Variants in TMEM132D observed in about 807,000 individuals in gnomAD.
The protein encoded by TMEM132D is mature OL transmembrane protein.
In TMEM132D, 21 loss-of-function variants were observed where a neutral mutation model predicts 62.3. That is an observed-to-expected ratio of 0.34 (90% CI 0.24 to 0.49). The LOEUF (loss-of-function observed/expected upper bound fraction) is 0.49. Ranked by LOEUF, TMEM132D falls within the 20% of genes least tolerant of loss-of-function variation. The pLI is 0.99. For synonymous variants in TMEM132D, 621 were observed against 575.6 expected, an observed-to-expected ratio of 1.08 and a Z score of -1.13; for missense variants, 1,346 against 1,402.8, an observed-to-expected ratio of 0.96 and a Z score of 0.65.
chr12:129,747,489 C>G (rs1326303907), intron 1 of TMEM132D, among the ~76,000 whole-genome samples: 32 of 149,400 alleles, frequency 2.1e-4, no homozygotes, highest in Admixed American at 2.1e-3. Context: ...CTCAGATACC[C>G]TCTCACACAC....
chr12:129,270,182 T>A (rs1215348429), intron 4 of TMEM132D, among the ~76,000 whole-genome samples: 1 of 151,542 alleles, frequency 6.6e-6, no homozygotes, highest in East Asian at 2.0e-4. Context: ...TTCTCATTTT[T>A]CTTCTAGCAA....
At chr12:129,784,647 T>C (rs1247112790) in intron 1 of TMEM132D, among the ~76,000 whole-genome samples, 2 of 152,172 alleles carry the variant, frequency 1.3e-5, no homozygotes, top group Non-Finnish European at 2.9e-5. Flanking sequence ...GAAAGCACAT[T>C]ATTTGAAGTC....
intron 4 of TMEM132D, among the ~76,000 whole-genome samples, chr12:129,314,178 GA>G (rs1460030093): frequency 6.6e-6 from 1 of 152,060 alleles, no homozygotes; most frequent in African/African-American, 2.4e-5. Flanking sequence ...TCTTAGTCAT[GA>G]AATATTTGCC....
At position 129,479,102 on chromosome 12, in the gene TMEM132D, G is replaced by A. The variant is rs116727433; in HGVS notation, c.1115+51957C>T. 9.8e-3 allele frequency among the ~76,000 whole-genome samples: 1,493 copies of A among 152,274 alleles called. 31 individuals carry two copies. Among genetic ancestry groups the A allele is most frequent in the African/African-American group, 0.034 (1,423 of 41,538 alleles). On this transcript the variant is annotated intron_variant, in intron 3 of 8. Coordinates refer to ENST00000422113, the MANE Select transcript of TMEM132D (RefSeq NM_133448.3). Reference sequence around the variant, plus strand: ...ATCTGCAGTACCCAGTGTTCAGACAGAGTTCTTTGAGGACAAGAGTGTTCT... The same window carrying A: ...ATCTGCAGTACCCAGTGTTCAGACAAAGTTCTTTGAGGACAAGAGTGTTCT...
chr12:129,626,090 GAA>G (rs112050759), intron 2 of TMEM132D, among the ~76,000 whole-genome samples: 2 of 141,132 alleles, frequency 1.4e-5, no homozygotes, highest in Admixed American at 7.1e-5. Context: ...GTTGAGCTGG[GAA>G]AAAAAAAAAA....
chr12:129,356,698 A>AAATAAATAAATT (rs1275468689), intron 3 of TMEM132D, among the ~76,000 whole-genome samples: 2 of 140,596 alleles, frequency 1.4e-5, no homozygotes, highest in African/African-American at 5.3e-5. Context: ...ATAAATAAAT[A>AAATAAATAAATT]AAATAAAAAT....
intron 5 of TMEM132D, among the ~76,000 whole-genome samples, chr12:129,173,677 G>A (rs772838671): frequency 2.6e-5 from 4 of 152,080 alleles, no homozygotes; most frequent in East Asian, 1.9e-4. Flanking sequence ...TTTTTATCTC[G>A]ATAATACCAT....
chr12:129,471,496 T>A (rs6486473), intron 3 of TMEM132D, among the ~76,000 whole-genome samples: 1 of 152,164 alleles, frequency 6.6e-6, no homozygotes, highest in African/African-American at 2.4e-5. Flanking sequence ...TGTTCCTCCA[T>A]CCTTCTCCCT....
intron 4 of TMEM132D, among the ~76,000 whole-genome samples, chr12:129,282,266 T>G (rs1881177117): frequency 6.6e-6 from 1 of 152,150 alleles, no homozygotes; most frequent in Non-Finnish European, 1.5e-5. Flanking sequence ...ATTGGGAATA[T>G]GAGACCAGAG....
chr12:129,796,400 T>C (rs1013425044), intron 1 of TMEM132D, among the ~76,000 whole-genome samples: 4 of 152,208 alleles, frequency 2.6e-5, no homozygotes, highest in South Asian at 2.1e-4. Flanking sequence ...GAAATACTTT[T>C]CTAATCTAAT....
chr12:129,241,412 C>A (rs2135584485), intron 4 of TMEM132D, among the ~76,000 whole-genome samples: 1 of 152,268 alleles, frequency 6.6e-6, no homozygotes, highest in Admixed American at 6.5e-5. Flanking sequence ...CACACCGGCA[C>A]AACACTCTTC....
At chr12:129,647,600 C>T (rs1056321288) in intron 2 of TMEM132D, among the ~76,000 whole-genome samples, 5 of 152,066 alleles carry the variant, frequency 3.3e-5, no homozygotes, top group African/African-American at 7.2e-5. Flanking sequence ...TCTTTTTGTG[C>T]GATATTACCT....
chr12:129,824,381 T>C (rs1395490868), intron 1 of TMEM132D, among the ~76,000 whole-genome samples: 1 of 152,196 alleles, frequency 6.6e-6, no homozygotes, highest in Admixed American at 6.5e-5. Context: ...CAACCATATT[T>C]TAAGCTATCA....
intron 4 of TMEM132D, among the ~76,000 whole-genome samples, chr12:129,245,738 G>A (rs1245118184): frequency 3.3e-5 from 5 of 152,006 alleles, no homozygotes; most frequent in Middle Eastern, 3.2e-3. Context: ...GAAATCAGAC[G>A]GTAGAGAAAG....
intron 5 of TMEM132D, among the ~76,000 whole-genome samples, chr12:129,209,139 G>A (rs1425463167): frequency 6.6e-6 from 1 of 152,058 alleles, no homozygotes; most frequent in Admixed American, 6.5e-5. Flanking sequence ...CCGGAGTGTG[G>A]CCGCATACCC....
rs577138040 is a variant in TMEM132D at position 129,413,481 on chromosome 12, CAGACTAAT to C, written c.1116-75672_1116-75665del. ...TATGTCTTTGTCAGCAGTATGAAAA[CAGACTAAT>C]ATAATAAGTGACGTCATTTCCAACA... On this transcript the variant is annotated intron_variant, in intron 3 of 8. Coordinates refer to ENST00000422113, the MANE Select transcript of TMEM132D (RefSeq NM_133448.3). Among the ~76,000 whole-genome samples the C allele has an allele frequency of 4.6e-3, 703 of 152,222 alleles. 3 individuals carry two copies. Among genetic ancestry groups the C allele is most frequent in the Non-Finnish European group, 7.1e-3 (485 of 68,016 alleles).
chr12:129,418,264 A>G (rs1872188627), intron 3 of TMEM132D, among the ~76,000 whole-genome samples: 1 of 152,258 alleles, frequency 6.6e-6, no homozygotes, highest in Non-Finnish European at 1.5e-5. Flanking sequence ...ATACACGTGT[A>G]TGTTAATTGC....
chr12:129,430,045 G>C (rs1030596191), intron 3 of TMEM132D, among the ~76,000 whole-genome samples: 3 of 152,070 alleles, frequency 2.0e-5, no homozygotes, highest in Non-Finnish European at 2.9e-5. Context: ...ATAAACATAC[G>C]TGTGTATGTG....
chr12:129,492,292 G>C (rs569478088), intron 3 of TMEM132D, among the ~76,000 whole-genome samples: 2 of 152,266 alleles, frequency 1.3e-5, no homozygotes, highest in South Asian at 4.1e-4. Flanking sequence ...GCATCATTTT[G>C]CTCACAGAGT....
Sources: gnomAD v4.1 joint callset for allele counts (sites outside exome capture counted in the v4.1 genomes callset) on GRCh38, gnomAD v4.1.1 for gene constraint, MANE v1.5 for transcripts, NCBI Gene and HGNC (gene_info 2026-07-23, HGNC 2026-07-21) for gene names.